TNS3: variants seen among roughly 807,000 people sequenced by gnomAD.
The protein encoded by TNS3 is tensin 3.
Under a neutral mutation model 140.9 loss-of-function variants are expected in TNS3, and 45 were observed. The observed-to-expected ratio is 0.32, with a 90% confidence interval of 0.25 to 0.41. TNS3 has a LOEUF of 0.41. Among genes scored for constraint, TNS3 ranks in the 10% least tolerant of loss-of-function variants. The pLI is 1.00. For synonymous variants in TNS3, 815 were observed against 788.4 expected (o/e 1.03, Z -0.56); for missense variants, 1,716 against 1,906.7 (o/e 0.90, Z 1.86).
intron 4 of TNS3, among the ~76,000 whole-genome samples, chr7:47,475,344 C>A (rs1006018175): frequency 1.3e-5 from 2 of 152,266 alleles, no homozygotes; most frequent in African/African-American, 2.4e-5. Flanking sequence ...GGGCCACAGA[C>A]CACAGTGGCC....
rs1231063662 is a variant in TNS3, at chr7:47,579,811, C to A, written c.-265+2240G>T. The A allele has an allele frequency of 4.1e-6, 4 of 984,806 alleles. No homozygotes were observed. The East Asian group carries it at 4.6e-4, about 112-fold the overall frequency. 61.0% of individuals were successfully genotyped at this position (984,806 alleles called of 1,614,324 possible). On this transcript the variant is annotated intron_variant, in intron 1 of 30. Transcript: ENST00000311160. ...CTAAGCAGATATAAGCTGCGACTGC[C>A]AAATGGTAGGTCAGCCCTTCCACTC...
rs1045526840 is a variant in TNS3, at chr7:47,443,026, C to A, written c.-75-971G>T. 5.3e-5 allele frequency among the ~76,000 whole-genome samples: 8 copies of A among 152,184 alleles called. No individual in the cohort carries two copies. In the South Asian group the frequency reaches 6.2e-4, roughly 12 times the overall value. On this transcript the variant is annotated intron_variant, in intron 4 of 30. Transcript: ENST00000311160. ...GAAATCATACCAATGCAAAGCCTAG[C>A]GCCAATTCCAAAACCACAGAGATCA...
intron 1 of TNS3, among the ~76,000 whole-genome samples, chr7:47,557,336 AT>A (rs1800221963): frequency 6.6e-6 from 1 of 152,204 alleles, no homozygotes; most frequent in African/African-American, 2.4e-5. Flanking sequence ...CACCAGAACC[AT>A]CAAACCTGCC....
At chr7:47,370,993 G>C (rs1409380971) in intron 16 of TNS3, among the ~76,000 whole-genome samples, 1 of 152,208 alleles carries the variant, frequency 6.6e-6, no homozygotes, top group Non-Finnish European at 1.5e-5. Flanking sequence ...GTGTGGTGCT[G>C]AAAACGCGCC....
At chr7:47,329,818 G>C (rs1232837833) in intron 20 of TNS3, among the ~76,000 whole-genome samples, 1 of 152,090 alleles carries the variant, frequency 6.6e-6, no homozygotes, top group African/African-American at 2.4e-5. Flanking sequence ...CCCAAGGGTG[G>C]GTCCCATTCC....
chr7:47,344,757 C>G lies in TNS3; in HGVS notation c.2648G>C (p.Arg883Pro). The change falls in exon 20 of 31, where the codon CGT (arginine) becomes CCT (proline). Residue 883 changes from arginine to proline, a missense_variant and splice_region_variant. Physicochemically the swap from Arg to Pro is moderately radical, Grantham distance 103. Around this residue, in one of 3 missense-constraint regions of TNS3, gnomAD observed 1,163 missense variants for 1,182.1 expected, o/e 0.98. Transcript: ENST00000311160. ...TGACCCGCGGGTAGATTTCTTACCA[C>G]GTCCTCCTTTGTGCTGACTGGCTGG... ...SSPASQHKGG[R>P]EPRSCPETLT... 1.2e-6 allele frequency: 2 copies of G among 1,611,244 alleles called. No homozygotes were observed. Among genetic ancestry groups the G allele is most frequent in the Non-Finnish European group, 1.7e-6 (2 of 1,179,012 alleles).
rs989699788 is a variant in TNS3 at position 47,369,562 on chromosome 7, A to C, written c.1084T>G (p.Ser362Ala). 4 of 1,611,026 alleles carry C rather than the reference A, an allele frequency of 2.5e-6. No individual in the cohort carries two copies. The African/African-American group carries it at 5.3e-5, about 22-fold the overall frequency. ...CCACCTGGGATGCCAGGATCCGAGG[A>C]GCTTTTCTTCCTCACCTTCGCGTAA... ...SLYAKVRKKS[S>A]SDPGIPGGPQ... is the part of the protein sequence containing the mutation. The change falls in exon 17 of 31, where the codon TCC becomes GCC. Residue 362 changes from serine (S) to alanine (A), a missense_variant. Ser to Ala is a moderately conservative substitution (Grantham distance 99). Coordinates refer to ENST00000311160, the MANE Select transcript of TNS3 (RefSeq NM_022748.12).
At chr7:47,296,222 A>G (rs1022660747) in intron 24 of TNS3, among the ~76,000 whole-genome samples, 13 of 152,356 alleles carry the variant, frequency 8.5e-5, no homozygotes, top group African/African-American at 3.1e-4. Flanking sequence ...GAATGGATCA[A>G]TTGGCTGTAG....
chr7:47,298,833 T>C (rs1325578299), intron 23 of TNS3, among the ~76,000 whole-genome samples: 1 of 152,262 alleles, frequency 6.6e-6, no homozygotes, highest in Non-Finnish European at 1.5e-5. Flanking sequence ...ACCGTGGCCC[T>C]GTGCACAGGA....
chr7:47,277,948 T>C lies in TNS3; in HGVS notation c.*128A>G, dbSNP rs1784941622. Reference sequence around the variant, plus strand: ...TTGTTTTTGCAGAGCTGGAAGATCCTCTTTCCCCTCATGGGCCTGGAATGT... The same window carrying C: ...TTGTTTTTGCAGAGCTGGAAGATCCCCTTTCCCCTCATGGGCCTGGAATGT... On this transcript the variant is annotated 3_prime_UTR_variant, in exon 31 of 31. Coordinates refer to ENST00000311160, the MANE Select transcript of TNS3 (RefSeq NM_022748.12). 1 of 1,056,396 alleles carries C rather than the reference T, an allele frequency of 9.5e-7. No homozygotes were observed. Among genetic ancestry groups the C allele is most frequent in the African/African-American group, 1.6e-5 (1 of 63,668 alleles). 65.4% of individuals were successfully genotyped at this position (1,056,396 alleles called of 1,614,324 possible). A position where few individuals can be genotyped will look rare whatever the true frequency, so the allele number is the denominator to read the frequency against.
At chr7:47,543,089 G>A (rs749714416) in intron 1 of TNS3, among the ~76,000 whole-genome samples, 3 of 152,202 alleles carry the variant, frequency 2.0e-5, no homozygotes, top group Non-Finnish European at 4.4e-5. Context: ...CTGGGCAGCA[G>A]GAGGCCCAGA....
intron 10 of TNS3, among the ~76,000 whole-genome samples, chr7:47,419,604 C>T (rs1584616692): frequency 6.6e-6 from 1 of 152,320 alleles, no homozygotes; most frequent in East Asian, 1.9e-4. Context: ...ATGAAAGCGG[C>T]TTGAATTCTG....
intron 16 of TNS3, among the ~76,000 whole-genome samples, chr7:47,396,314 C>T (rs545701792): frequency 1.5e-4 from 23 of 152,264 alleles, no homozygotes; most frequent in African/African-American, 4.8e-4. Flanking sequence ...TTGGGTGAGA[C>T]GGTTTCACGA....
rs757414424 is a variant in TNS3 at position 47,424,184 on chromosome 7, G to A, written c.390C>T (p.Ser130=). 17 of 1,613,874 alleles carry A rather than the reference G, an allele frequency of 1.1e-5. No individual in the cohort carries two copies. Among genetic ancestry groups the A allele is most frequent in the African/African-American group, 9.3e-5 (7 of 74,916 alleles). Residue 130 remains serine (S), a splice_region_variant and synonymous_variant, in exon 10 of 31, where the codon AGC becomes AGT. Coordinates refer to ENST00000311160, the MANE Select transcript of TNS3 (RefSeq NM_022748.12). ...SYMHFTNVSA[S]ADQALDRFAM... ...CAAACCTGTCAAGGGCCTGGTCGGC[G>A]CTGAAGGGGAGAGAGAGAGAAAGAG... is the stretch of plus-strand genomic sequence containing the variant.
intron 8 of TNS3, among the ~76,000 whole-genome samples, chr7:47,429,021 C>G (rs1794800107): frequency 6.6e-6 from 1 of 152,188 alleles, no homozygotes. Flanking sequence ...TCACCCAGGG[C>G]CACAGAGTGC....
chr7:47,325,542 G>C (rs2150876773), intron 20 of TNS3, among the ~76,000 whole-genome samples: 1 of 152,248 alleles, frequency 6.6e-6, no homozygotes, highest in Non-Finnish European at 1.5e-5. Flanking sequence ...GTTATCTCCT[G>C]GTAAAATCAC....
At chr7:47,282,262 T>C (rs1462084824) in intron 28 of TNS3, among the ~76,000 whole-genome samples, 1 of 149,432 alleles carries the variant, frequency 6.7e-6, no homozygotes, top group Non-Finnish European at 1.5e-5. Context: ...ACTGGGACCC[T>C]GGGTGAGCCA....
At chr7:47,489,492 C>T (rs1192294512) in intron 3 of TNS3, among the ~76,000 whole-genome samples, 2 of 152,142 alleles carry the variant, frequency 1.3e-5, no homozygotes, top group African/African-American at 4.8e-5. Context: ...CCTACTGGAA[C>T]CTTCTTTTTC....
intron 1 of TNS3, among the ~76,000 whole-genome samples, chr7:47,580,412 A>G (rs772018868): frequency 5.3e-5 from 8 of 152,228 alleles, no homozygotes; most frequent in Non-Finnish European, 1.0e-4. Context: ...CTCAATCGGT[A>G]TGCCTGTTAC....
Sources: allele counts gnomAD v4.1 joint callset (sites outside exome capture counted in the v4.1 genomes callset), GRCh38; gene constraint gnomAD v4.1.1; regional missense constraint gnomAD v4.1.1; transcripts MANE v1.5; gene names NCBI Gene and HGNC (gene_info 2026-07-23, HGNC 2026-07-21).